The following PCBP3 variants were observed in gnomAD, a reference collection of about 807,000 sequenced individuals.
The protein encoded by PCBP3 is poly(rC) binding protein 3, also known as poly(rC)-binding protein 3.
A neutral mutation model predicts 52.7 loss-of-function variants in PCBP3; 25 were observed. That is an observed-to-expected ratio of 0.47 (90% CI 0.35 to 0.66). The LOEUF is 0.66. PCBP3 is among the 30% of genes least tolerant of loss of function. PCBP3 has a pLI of 0.01. For synonymous variants in PCBP3, 162 were observed against 183.0 expected (o/e 0.89, Z 0.93); for missense variants, 391 against 490.3 (o/e 0.80, Z 1.91).
intron 1 of PCBP3, among the ~76,000 whole-genome samples, chr21:45,662,344 C>G (rs1321267689): frequency 1.5e-5 from 2 of 134,970 alleles, no homozygotes; most frequent in Non-Finnish European, 1.5e-5. Flanking sequence ...TGGTCCTGAG[C>G]TCCTGGGCTC....
chr21:45,820,583 G>A (rs1039164882), intron 4 of PCBP3, among the ~76,000 whole-genome samples: 4 of 152,230 alleles, frequency 2.6e-5, no homozygotes, highest in Admixed American at 6.5e-5. Context: ...AGTCAAGGAG[G>A]GGGTGAGACT....
chr21:45,751,357 G>T lies in PCBP3; in HGVS notation c.-161-4060G>T, dbSNP rs563596821. ...TGTAAACATATATAACATTACATTT[G>T]CTATTTAAGCTGTTTTTAAGCGTAT... On this transcript the variant is annotated intron_variant, in intron 3 of 17. Coordinates refer to ENST00000681687, the MANE Select transcript of PCBP3 (RefSeq NM_001384156.1). 7.2e-5 allele frequency: 11 copies of T among 151,880 alleles called. No homozygotes were observed. In the East Asian group the frequency reaches 2.1e-3, roughly 29 times the overall value. 9.4% of individuals were successfully genotyped at this position (151,880 alleles called of 1,614,324 possible).
chr21:45,647,369 T>C (rs963875903), intron 1 of PCBP3, among the ~76,000 whole-genome samples: 1 of 152,214 alleles, frequency 6.6e-6, no homozygotes, highest in African/African-American at 2.4e-5. Flanking sequence ...AGAGTTCTTA[T>C]TGAAGGGCTC....
intron 2 of PCBP3, among the ~76,000 whole-genome samples, chr21:45,713,706 G>T (rs2084015342): frequency 6.6e-6 from 1 of 152,192 alleles, no homozygotes; most frequent in Admixed American, 6.5e-5. Context: ...GCACTCCTTA[G>T]AGCACCTGCC....
At chr21:45,918,232 G>A (rs758327384) in intron 13 of PCBP3, 1 of 157,212 alleles carries the variant, frequency 6.4e-6, no homozygotes, top group Non-Finnish European at 1.4e-5. Context: ...TGGGTCCCAT[G>A]CAGCTCCATG....
intron 4 of PCBP3, among the ~76,000 whole-genome samples, chr21:45,795,730 A>G (rs561981170): frequency 6.6e-6 from 1 of 152,370 alleles, no homozygotes; most frequent in African/African-American, 2.4e-5. Flanking sequence ...ATGAATGAAG[A>G]TAAAATAGAG....
At chr21:45,869,680 G>C (rs2094919834) in intron 5 of PCBP3, among the ~76,000 whole-genome samples, 2 of 152,240 alleles carry the variant, frequency 1.3e-5, no homozygotes, top group Non-Finnish European at 2.9e-5. Flanking sequence ...ACTGGGAGGA[G>C]ATGGGTGTGG....
At chr21:45,749,195 A>G (rs2087189595) in intron 3 of PCBP3, among the ~76,000 whole-genome samples, 1 of 152,150 alleles carries the variant, frequency 6.6e-6, no homozygotes, top group Admixed American at 6.5e-5. Flanking sequence ...TCCAGCCCAT[A>G]GTTGCCCGTT....
intron 2 of PCBP3, among the ~76,000 whole-genome samples, chr21:45,702,334 T>G (rs993770871): frequency 7.9e-5 from 12 of 152,216 alleles, no homozygotes; most frequent in Admixed American, 5.9e-4. Flanking sequence ...GTTAACACAT[T>G]TCTGTATACA....
At chr21:45,856,492 C>T (rs941960277) in intron 5 of PCBP3, among the ~76,000 whole-genome samples, 6 of 152,174 alleles carry the variant, frequency 3.9e-5, no homozygotes, top group Non-Finnish European at 8.8e-5. Flanking sequence ...GTCATGGGTG[C>T]GGCTTCCCCA....
chr21:45,903,593 C>T (rs1182390121), intron 9 of PCBP3, among the ~76,000 whole-genome samples: 1 of 151,662 alleles, frequency 6.6e-6, no homozygotes. Context: ...GGCACTAGAA[C>T]GAATATGTGC....
intron 4 of PCBP3, among the ~76,000 whole-genome samples, chr21:45,819,158 G>C (rs757904017): frequency 2.0e-5 from 3 of 152,172 alleles, no homozygotes; most frequent in Non-Finnish European, 2.9e-5. Flanking sequence ...CTCTGGACCT[G>C]GGGGGTGGTG....
chr21:45,773,625 G>A (rs1018660586), intron 4 of PCBP3, among the ~76,000 whole-genome samples: 2 of 152,106 alleles, frequency 1.3e-5, no homozygotes, highest in African/African-American at 4.8e-5. Context: ...GTGCCATACT[G>A]TTCTGGTTAC....
At chr21:45,819,277 C>T (rs916592540) in intron 4 of PCBP3, among the ~76,000 whole-genome samples, 7 of 152,176 alleles carry the variant, frequency 4.6e-5, no homozygotes, top group African/African-American at 1.7e-4. Flanking sequence ...GTTTTGTGCT[C>T]AGTTTGCTGC....
chr21:45,878,363 A>G (rs896815035), intron 5 of PCBP3, among the ~76,000 whole-genome samples: 6 of 152,238 alleles, frequency 3.9e-5, no homozygotes, highest in East Asian at 1.9e-4. Flanking sequence ...CAAGTGCAGT[A>G]AGTTTCTGGC....
chr21:45,935,130 C>G (rs1325771991), intron 15 of PCBP3, 123 bp from the exon 16 acceptor site: 3 of 676,470 alleles, frequency 4.4e-6, no homozygotes, highest in East Asian at 5.4e-5. Flanking sequence ...CTGTGCTGAC[C>G]CTCACACTTG....
intron 4 of PCBP3, among the ~76,000 whole-genome samples, chr21:45,799,291 G>A (rs79222162): frequency 2.5e-3 from 379 of 152,286 alleles, no homozygotes; most frequent in African/African-American, 8.4e-3. Flanking sequence ...CAAGTTGTCC[G>A]ATGAGTACAG....
At chr21:45,653,859 C>A (rs1174213501) in intron 1 of PCBP3, among the ~76,000 whole-genome samples, 1 of 151,768 alleles carries the variant, frequency 6.6e-6, no homozygotes, top group Admixed American at 6.6e-5. Context: ...AAAATCATTC[C>A]ATTTTTCCAC....
At chr21:45,919,389 G>A (rs1017572976) in intron 13 of PCBP3, 2 of 152,348 alleles carry the variant, frequency 1.3e-5, no homozygotes, top group Non-Finnish European at 2.9e-5. Context: ...TTTTGAGTTG[G>A]GGGCAAGGAC....
Sources: allele counts gnomAD v4.1 joint callset (sites outside exome capture counted in the v4.1 genomes callset), GRCh38; gene constraint gnomAD v4.1.1; transcripts MANE v1.5; gene names NCBI Gene and HGNC (gene_info 2026-07-23, HGNC 2026-07-21).